SLC25A21: variants seen among roughly 807,000 people sequenced by gnomAD.
The protein encoded by SLC25A21 is solute carrier family 25 member 21, also known as mitochondrial 2-oxodicarboxylate carrier.
In SLC25A21, 47 loss-of-function variants were observed where a neutral mutation model predicts 43.8. The observed-to-expected ratio is 1.07, with a 90% CI of 0.85 to 1.37. The LOEUF (loss-of-function observed/expected upper bound fraction) is 1.37, where lower values mean the gene tolerates loss of function less well. SLC25A21 is among the 40% of genes most tolerant of loss of function. The probability of loss-of-function intolerance (pLI) is 0.00; values close to 1 mark genes in which losing one functional copy is unlikely to be tolerated. For synonymous variants in SLC25A21, 131 were observed against 121.3 expected, an observed-to-expected ratio of 1.08 and a Z score of -0.52; for missense variants, 352 against 350.2, an observed-to-expected ratio of 1.00 and a Z score of -0.04.
chr14:36,741,533 G>C (rs7492323), intron 3 of SLC25A21, among the ~76,000 whole-genome samples: 1 of 152,188 alleles, frequency 6.6e-6, no homozygotes, highest in Non-Finnish European at 1.5e-5. Flanking sequence ...CAGGGATGAA[G>C]TGTTTTGGGA....
chr14:37,150,160 G>C (rs1432630509), intron 1 of SLC25A21, among the ~76,000 whole-genome samples: 1 of 152,068 alleles, frequency 6.6e-6, no homozygotes, highest in East Asian at 1.9e-4. Context: ...CTACGTGTTT[G>C]GCACTGTAGC....
At chr14:37,138,494 G>A (rs1963519987) in intron 1 of SLC25A21, among the ~76,000 whole-genome samples, 1 of 152,212 alleles carries the variant, frequency 6.6e-6, no homozygotes, top group South Asian at 2.1e-4. Flanking sequence ...ATAGCAAAGT[G>A]ATTTTTAGTA....
intron 1 of SLC25A21, among the ~76,000 whole-genome samples, chr14:37,132,652 C>T (rs1012788951): frequency 6.6e-6 from 1 of 152,020 alleles, no homozygotes; most frequent in African/African-American, 2.4e-5. Context: ...ATGTCTCTTT[C>T]TTTTCCCTCT....
intron 1 of SLC25A21, among the ~76,000 whole-genome samples, chr14:37,022,739 C>A (rs1961013352): frequency 6.6e-6 from 1 of 151,958 alleles, no homozygotes; most frequent in Admixed American, 6.6e-5. Flanking sequence ...TTACTCAGTC[C>A]TGTGGTCTCA....
intron 3 of SLC25A21, among the ~76,000 whole-genome samples, chr14:36,774,460 G>T (rs954948634): frequency 6.6e-6 from 1 of 152,222 alleles, no homozygotes; most frequent in South Asian, 2.1e-4. Context: ...CCAGTATGAG[G>T]AAAAGAACTG....
intron 1 of SLC25A21, among the ~76,000 whole-genome samples, chr14:36,954,600 T>A (rs1959285166): frequency 6.6e-6 from 1 of 152,134 alleles, no homozygotes. Context: ...ATAGTCCAGA[T>A]CTATTGTTCA....
intron 1 of SLC25A21, among the ~76,000 whole-genome samples, chr14:36,907,063 G>A (rs942240210): frequency 5.3e-5 from 8 of 152,084 alleles, no homozygotes; most frequent in African/African-American, 9.7e-5. Flanking sequence ...TAGGGGGATC[G>A]TATCTCTAGG....
chr14:36,873,359 G>A (rs929585278), intron 2 of SLC25A21, among the ~76,000 whole-genome samples: 7 of 151,936 alleles, frequency 4.6e-5, no homozygotes, highest in African/African-American at 1.5e-4. Flanking sequence ...GCAGTGGTGC[G>A]ATCTCGGCTC....
chr14:37,094,173 A>G (rs548866875), intron 1 of SLC25A21, among the ~76,000 whole-genome samples: 1 of 152,316 alleles, frequency 6.6e-6, no homozygotes, highest in Non-Finnish European at 1.5e-5. Context: ...TTTAGACTTT[A>G]AAGATTTCCT....
Position 36,982,729 on chromosome 14 carries a change from G to A in SLC25A21, c.71-107725C>T, listed in dbSNP as rs142585639. On this transcript the variant is annotated intron_variant, in intron 1 of 9. Transcript: ENST00000331299. ...ACTCTGGGGGTGAGATGGGAGGATCGCTTGAGCCTGGGAGCCAGAGGTTGC... is the reference window on the plus strand; with the variant it reads ...ACTCTGGGGGTGAGATGGGAGGATCACTTGAGCCTGGGAGCCAGAGGTTGC... Among the ~76,000 whole-genome samples the A allele has an allele frequency of 1.0e-3, 155 of 152,162 alleles. 5 individuals are homozygous for A. In the East Asian group the frequency reaches 0.021, roughly 20 times the overall value.
At chr14:37,030,671 G>A (rs1961192149) in intron 1 of SLC25A21, among the ~76,000 whole-genome samples, 1 of 152,114 alleles carries the variant, frequency 6.6e-6, no homozygotes, top group African/African-American at 2.4e-5. Flanking sequence ...TAATTTTTTG[G>A]TGTAAAAGGT....
intron 1 of SLC25A21, among the ~76,000 whole-genome samples, chr14:36,892,078 A>G (rs575886390): frequency 6.6e-6 from 1 of 152,280 alleles, no homozygotes; most frequent in African/African-American, 2.4e-5. Flanking sequence ...TATGTGTCCA[A>G]ACATAGTTTG....
intron 1 of SLC25A21, among the ~76,000 whole-genome samples, chr14:37,024,933 A>T (rs1961061972): frequency 6.6e-6 from 1 of 152,142 alleles, no homozygotes. Context: ...TAAATCTTTC[A>T]ATTTATAAAC....
At chr14:37,057,644 T>G (rs887570365) in intron 1 of SLC25A21, among the ~76,000 whole-genome samples, 3 of 152,230 alleles carry the variant, frequency 2.0e-5, no homozygotes, top group Non-Finnish European at 4.4e-5. Context: ...TAAAACAATT[T>G]TACTCTCCTT....
intron 7 of SLC25A21, among the ~76,000 whole-genome samples, chr14:36,696,481 T>C (rs1055453760): frequency 1.3e-5 from 2 of 152,332 alleles, no homozygotes; most frequent in South Asian, 4.1e-4. Flanking sequence ...TCAGAAGGAA[T>C]GGTACCAGCT....
intron 1 of SLC25A21, among the ~76,000 whole-genome samples, chr14:37,111,537 A>G (rs1487108177): frequency 6.6e-6 from 1 of 152,176 alleles, no homozygotes; most frequent in Non-Finnish European, 1.5e-5. Context: ...TTATTTTATT[A>G]TCATTCACTT....
chr14:36,807,870 G>T (rs185933164), intron 3 of SLC25A21, among the ~76,000 whole-genome samples: 4 of 152,086 alleles, frequency 2.6e-5, no homozygotes, highest in East Asian at 3.9e-4. Context: ...CATTTGTGCC[G>T]TCTGAAAGGC....
At chr14:36,723,146 T>C (rs547676300) in intron 6 of SLC25A21, among the ~76,000 whole-genome samples, 1 of 152,218 alleles carries the variant, frequency 6.6e-6, no homozygotes, top group Non-Finnish European at 1.5e-5. Flanking sequence ...AAAAGACCTA[T>C]AAGATACTAG....
chr14:36,720,007 C>T (rs780929805), intron 6 of SLC25A21, among the ~76,000 whole-genome samples: 2 of 152,282 alleles, frequency 1.3e-5, no homozygotes, highest in Non-Finnish European at 2.9e-5. Context: ...ACTTGGATCC[C>T]GGCTACAGGG....
Sources: gnomAD v4.1 joint callset for allele counts (sites outside exome capture counted in the v4.1 genomes callset) on GRCh38, gnomAD v4.1.1 for gene constraint, MANE v1.5 for transcripts, NCBI Gene and HGNC (gene_info 2026-07-23, HGNC 2026-07-21) for gene names.